CMSS1: variants seen among roughly 807,000 people sequenced by gnomAD.
The protein encoded by CMSS1 is cms1 ribosomal small subunit homolog.
CMSS1 carries 33 observed loss-of-function variants against 43.5 expected under a neutral mutation model. The ratio of observed to expected loss-of-function variants is 0.76; its 90% CI spans 0.57 to 1.01. The LOEUF (loss-of-function observed/expected upper bound fraction) is 1.01, where lower values mean the gene tolerates loss of function less well. Ranked by LOEUF, CMSS1 falls within the 50% of genes least tolerant of loss-of-function variation. The probability of loss-of-function intolerance (pLI) is 0.00; values close to 1 mark genes in which losing one functional copy is unlikely to be tolerated. For synonymous variants in CMSS1, 115 were observed against 117.2 expected (o/e 0.98, Z 0.12); for missense variants, 313 against 326.4 (o/e 0.96, Z 0.32).
chr3:99,912,606 G>A (rs1706827692), intron 1 of CMSS1, among the ~76,000 whole-genome samples: 2 of 152,090 alleles, frequency 1.3e-5, no homozygotes, highest in South Asian at 4.2e-4. Flanking sequence ...TCAAACTCCT[G>A]GGCTCAAGCA....
chr3:100,049,505 CAT>C (rs1410748942), intron 1 of CMSS1, among the ~76,000 whole-genome samples: 2 of 152,132 alleles, frequency 1.3e-5, no homozygotes, highest in Non-Finnish European at 1.5e-5. Flanking sequence ...ACTTCCAAAA[CAT>C]ATGCAGTACA....
chr3:100,162,422 G>A lies in CMSS1; in HGVS notation c.345G>A (p.Leu115=). Residue 115 remains leucine (L), a synonymous_variant, in exon 4 of 10, where the codon CTG becomes CTA. Coordinates refer to ENST00000421999, the MANE Select transcript of CMSS1 (RefSeq NM_032359.4). The stretch of plus-strand genomic sequence containing the variant: ...GCTTGGTGATTGAATTAGAAGAACT[G>A]AACCTGCCAGGTATAGCCAAGCTTC... ...SRRLVIELEE[L]NLPDSCFLKA... is the part of the protein sequence containing the mutation. 2.5e-6 allele frequency: 4 copies of A among 1,612,034 alleles called. No individual in the cohort carries two copies. The highest frequency in any genetic ancestry group is 3.4e-6 in the Non-Finnish European group (4 of 1,178,848).
chr3:100,171,362 A>G (rs1156477011), intron 6 of CMSS1, among the ~76,000 whole-genome samples: 2 of 151,768 alleles, frequency 1.3e-5, no homozygotes, highest in African/African-American at 4.8e-5. Flanking sequence ...CCCCCTTTCA[A>G]GCTCATCTCC....
intron 8 of CMSS1, among the ~76,000 whole-genome samples, chr3:100,174,443 C>T (rs373260017): frequency 6.6e-6 from 1 of 151,490 alleles, no homozygotes; most frequent in Non-Finnish European, 1.5e-5. Context: ...GCTATCCAGA[C>T]TATTGAAATC....
intron 1 of CMSS1, among the ~76,000 whole-genome samples, chr3:99,959,581 C>T (rs1305574208): frequency 1.3e-5 from 2 of 152,128 alleles, no homozygotes; most frequent in Non-Finnish European, 2.9e-5. Context: ...TAGTTTTCCA[C>T]GTGTATAATT....
intron 1 of CMSS1, among the ~76,000 whole-genome samples, chr3:100,119,645 G>C (rs1019932048): frequency 2.0e-5 from 3 of 152,202 alleles, no homozygotes; most frequent in Non-Finnish European, 2.9e-5. Context: ...CAAAGGATGA[G>C]AGTAGCAGCC....
intron 1 of CMSS1, among the ~76,000 whole-genome samples, chr3:100,074,971 G>C (rs1188921479): frequency 6.6e-6 from 1 of 151,994 alleles, no homozygotes; most frequent in Non-Finnish European, 1.5e-5. Flanking sequence ...TGGGATTACA[G>C]GCATGAGCCA....
At chr3:99,895,952 A>G (rs555141632) in intron 1 of CMSS1, among the ~76,000 whole-genome samples, 1 of 152,330 alleles carries the variant, frequency 6.6e-6, no homozygotes, top group East Asian at 1.9e-4. Flanking sequence ...AGCTGTAAAG[A>G]TAGTCTTTTT....
intron 1 of CMSS1, among the ~76,000 whole-genome samples, chr3:99,986,856 A>T (rs73859914): frequency 0.015 from 2,246 of 152,316 alleles, 54 homozygotes; most frequent in African/African-American, 0.052. Context: ...AGAGTTATTC[A>T]GACCAAAATG....
rs1482215923 is a variant in CMSS1 at position 100,097,485 on chromosome 3, G to T, written c.65-49488G>T. 2.6e-5 allele frequency among the ~76,000 whole-genome samples: 4 copies of T among 152,208 alleles called. 1 individual carries two copies. The South Asian group carries it at 8.3e-4, about 32-fold the overall frequency. On this transcript the variant is annotated intron_variant, in intron 1 of 9. Coordinates refer to ENST00000421999, the MANE Select transcript of CMSS1 (RefSeq NM_032359.4). ...TTCTGTGGATATGGAGGGACAACCC[G>T]GTATTCTAATCCACGAACACAGTAT...
At chr3:99,903,910 A>G (rs1355771255) in intron 1 of CMSS1, among the ~76,000 whole-genome samples, 1 of 152,210 alleles carries the variant, frequency 6.6e-6, no homozygotes, top group South Asian at 2.1e-4. Context: ...TGTCCTAAAT[A>G]AAAAACTCTT....
intron 1 of CMSS1, chr3:99,848,865 C>T (rs114299850): frequency 4.3e-6 from 7 of 1,613,840 alleles, no homozygotes; most frequent in Non-Finnish European, 5.1e-6. Context: ...TGCCACAGTT[C>T]GGTATCACTG....
chr3:99,934,533 T>C (rs1007807535), intron 1 of CMSS1, among the ~76,000 whole-genome samples: 1 of 152,224 alleles, frequency 6.6e-6, no homozygotes, highest in African/African-American at 2.4e-5. Context: ...ATCCTGCTGC[T>C]AATCAATGAG....
At chr3:100,059,003 A>C (rs184007636) in intron 1 of CMSS1, among the ~76,000 whole-genome samples, 1 of 152,342 alleles carries the variant, frequency 6.6e-6, no homozygotes, top group Non-Finnish European at 1.5e-5. Flanking sequence ...CATCTCTTCC[A>C]GTGTTTTTCT....
chr3:100,126,933 G>A (rs1310135796), intron 1 of CMSS1, among the ~76,000 whole-genome samples: 1 of 151,996 alleles, frequency 6.6e-6, no homozygotes, highest in Non-Finnish European at 1.5e-5. Flanking sequence ...GGGAGGCGGA[G>A]CTTGCAGTGA....
At chr3:99,915,271 T>TC (rs927384624) in intron 1 of CMSS1, among the ~76,000 whole-genome samples, 1 of 152,188 alleles carries the variant, frequency 6.6e-6, no homozygotes, top group Non-Finnish European at 1.5e-5. Flanking sequence ...AGCCAACTTT[T>TC]CCTACATTTC....
At chr3:99,845,734 A>C (rs1007836532) in intron 1 of CMSS1, among the ~76,000 whole-genome samples, 1 of 152,236 alleles carries the variant, frequency 6.6e-6, no homozygotes, top group African/African-American at 2.4e-5. Flanking sequence ...GATGTTTTGC[A>C]GAAATTATGC....
chr3:99,977,975 G>T (rs1709019535), intron 1 of CMSS1, among the ~76,000 whole-genome samples: 2 of 152,104 alleles, frequency 1.3e-5, no homozygotes, highest in Admixed American at 6.5e-5. Flanking sequence ...AAATTATTAT[G>T]CCAGATGGTC....
At position 100,172,378 on chromosome 3, in the gene CMSS1, G is replaced by A; in HGVS notation, c.642G>A (p.Gly214=). 1 of 1,613,828 alleles carries A rather than the reference G, an allele frequency of 6.2e-7. No homozygotes were observed. The highest frequency in any genetic ancestry group is 8.5e-7 in the Non-Finnish European group (1 of 1,179,842). Residue 214 remains glycine (G), a synonymous_variant, in exon 8 of 10, where the codon GGG becomes GGA. Transcript: ENST00000421999. ...RVVHLGVGTP[G]RIKELVKQGG... is the part of the protein sequence containing the mutation. The stretch of plus-strand genomic sequence containing the variant: ...TGCACCTGGGTGTAGGAACTCCGGG[G>A]AGAATTAAAGAACTTGTTAAACAAG...
Sources: allele counts gnomAD v4.1 joint callset (sites outside exome capture counted in the v4.1 genomes callset), GRCh38; gene constraint gnomAD v4.1.1; transcripts MANE v1.5; gene names NCBI Gene and HGNC (gene_info 2026-07-23, HGNC 2026-07-21).